Variants in YIPF4 observed in about 807,000 individuals in gnomAD.
YIPF4 encodes Yip1 domain family member 4, also known as protein YIPF4.
In YIPF4, 18 loss-of-function variants were observed where a neutral mutation model predicts 29.4. The ratio of observed to expected loss-of-function variants is 0.61; its 90% CI spans 0.42 to 0.91. The LOEUF is 0.91. Ranked by LOEUF, YIPF4 falls within the 40% of genes least tolerant of loss-of-function variation. The pLI, the probability that YIPF4 is intolerant of heterozygous loss-of-function variation, is 0.00. For missense variants in YIPF4, 279 were observed against 282.7 expected (o/e 0.99, Z 0.09); for synonymous variants, 115 against 104.7 (o/e 1.10, Z -0.60).
rs759658074 is a variant in YIPF4, at chr2:32,314,868, G to A, written c.*9242G>A. 3 of 152,236 alleles carry A rather than the reference G, an allele frequency of 2.0e-5. No homozygotes were observed. The highest frequency in any genetic ancestry group is 3.4e-3 in the Middle Eastern group (1 of 294). The allele number at this position is 152,236 out of a possible 1,614,324, so 9.4% of individuals were successfully genotyped here. On this transcript the variant is annotated 3_prime_UTR_variant, in exon 6 of 6. Coordinates refer to ENST00000238831, the MANE Select transcript of YIPF4 (RefSeq NM_032312.4). ...ATTATACCCAATTAATTATACATGG[G>A]AAGGTGATGAAGGTAGCATGTCAAA...
At position 32,306,230 on chromosome 2, in the gene YIPF4, T is replaced by C. The variant is rs908589409; in HGVS notation, c.*604T>C. On this transcript the variant is annotated 3_prime_UTR_variant, in exon 6 of 6. Transcript: ENST00000238831. ...TTTTAAAATCTCACACATGCTTCGA[T>C]ACTTCCTTGTTAAGAATTCTTAATA... 6.9e-5 allele frequency: 63 copies of C among 916,662 alleles called. No individual in the cohort carries two copies. The highest frequency in any genetic ancestry group is 8.0e-5 in the Non-Finnish European group (61 of 767,286). The allele number at this position is 916,662 out of a possible 1,614,324, so 56.8% of individuals were successfully genotyped here.
At position 32,312,124 on chromosome 2, in the gene YIPF4, G is replaced by A. The variant is rs748088613; in HGVS notation, c.*6498G>A. ...AAAATACTCACGTTTATGATGATGG[G>A]CCTAGGTACTAAATTCCTCATTCAA... is the stretch of plus-strand genomic sequence containing the variant. On this transcript the variant is annotated 3_prime_UTR_variant, in exon 6 of 6. Coordinates refer to ENST00000238831, the MANE Select transcript of YIPF4 (RefSeq NM_032312.4). 4 of 152,052 alleles carry A rather than the reference G, an allele frequency of 2.6e-5. No individual in the cohort carries two copies. Among genetic ancestry groups the A allele is most frequent in the African/African-American group, 4.8e-5 (2 of 41,390 alleles). The allele number at this position is 152,052 out of a possible 1,614,324, so 9.4% of individuals were successfully genotyped here. A position where few individuals can be genotyped will look rare whatever the true frequency, so the allele number is the denominator to read the frequency against.
intron 3 of YIPF4, among the ~76,000 whole-genome samples, chr2:32,296,651 A>G (rs939228704): frequency 6.6e-6 from 1 of 152,180 alleles, no homozygotes; most frequent in African/African-American, 2.4e-5. Flanking sequence ...TGTGATACTG[A>G]TACGTCTTAT....
chr2:32,278,331 GACA>G, intron 1 of YIPF4, 97 bp downstream of exon 1: 1 of 1,253,920 alleles, frequency 8.0e-7, no homozygotes, highest in African/African-American at 1.6e-5. Context: ...GCCGGGTGGG[GACA>G]GGCAGGAAGC....
In YIPF4 at chr2:32,290,505, C is replaced by T; in HGVS notation, c.102C>T (p.Ser34=). 5 of 1,566,416 alleles carry T rather than the reference C, an allele frequency of 3.2e-6. No individual in the cohort carries two copies. The highest frequency in any genetic ancestry group is 2.8e-5 in the African/African-American group (2 of 72,306). The change falls in exon 2 of 6, where the codon TCC becomes TCT. Residue 34 remains serine (S), a synonymous_variant. Transcript: ENST00000238831. The part of the protein sequence containing the change: ...DAEDLSGSIA[S]PDVKLNLGGD... ...AAGATCTCAGTGGTTCAATAGCATC[C>T]CCAGATGTCAAATTAAATCTTGGTG... is the stretch of plus-strand genomic sequence containing the variant.
rs1458675077 is a variant in YIPF4, at chr2:32,292,307, GTTCTT to G, written c.373_377del (p.Phe125HisfsTer9). 2 of 1,600,428 alleles carry G rather than the reference GTTCTT, an allele frequency of 1.2e-6. No homozygotes were observed. The highest frequency in any genetic ancestry group is 1.7e-6 in the Non-Finnish European group (2 of 1,173,580). On this transcript the variant is annotated frameshift_variant, in exon 3 of 6. Coordinates refer to ENST00000238831, the MANE Select transcript of YIPF4 (RefSeq NM_032312.4). LOFTEE classifies it high-confidence loss of function. ...TGACTTTTGGGGTCCTCTGGCTGTT[GTTCTT>G]TTCTTTTCCATGATATCATTATATG...
chr2:32,288,075 C>G (rs997666584), intron 1 of YIPF4, among the ~76,000 whole-genome samples: 1 of 152,060 alleles, frequency 6.6e-6, no homozygotes, highest in African/African-American at 2.4e-5. Context: ...ACATCATTCT[C>G]CACTTGTTAA....
At chr2:32,302,998 A>T (rs1490076648) in intron 5 of YIPF4, among the ~76,000 whole-genome samples, 1 of 152,152 alleles carries the variant, frequency 6.6e-6, no homozygotes, top group Admixed American at 6.6e-5. Flanking sequence ...AGGTATCTTA[A>T]CTTTTCTTAC....
At chr2:32,278,335 G>GCT in intron 1 of YIPF4, 101 bp downstream of exon 1, 1 of 1,204,230 alleles carries the variant, frequency 8.3e-7, no homozygotes, top group African/African-American at 1.6e-5. Flanking sequence ...GGTGGGGACA[G>GCT]GCAGGAAGCT....
chr2:32,302,986 C>T (rs1438449294), intron 5 of YIPF4, among the ~76,000 whole-genome samples: 3 of 152,084 alleles, frequency 2.0e-5, no homozygotes, highest in East Asian at 3.8e-4. Flanking sequence ...TCTGGTCTTC[C>T]GAGGTATCTT....
In YIPF4 at chr2:32,283,055, C is replaced by T. The variant is rs1442973256; in HGVS notation, c.79+4821C>T. The stretch of plus-strand genomic sequence containing the variant: ...TCGCGCCACTGCACTCCCGCCTGGG[C>T]GACAGAGTGAGACTGTCTCAAAAAA... On this transcript the variant is annotated intron_variant, in intron 1 of 5. Transcript: ENST00000238831. Among the ~76,000 whole-genome samples, 54 of 141,686 alleles carry T rather than the reference C, an allele frequency of 3.8e-4. 1 individual carries two copies. Among genetic ancestry groups the T allele is most frequent in the Non-Finnish European group, 5.9e-4 (39 of 66,474 alleles). 93.0% of individuals were successfully genotyped at this position (141,686 alleles called of 152,430 possible). A position where few individuals can be genotyped will look rare whatever the true frequency, so the allele number is the denominator to read the frequency against.
At position 32,313,707 on chromosome 2, in the gene YIPF4, T is replaced by G; in HGVS notation, c.*8081T>G. The G allele has an allele frequency of 6.7e-6, 1 of 150,344 alleles. No homozygotes were observed. Among genetic ancestry groups the G allele is most frequent in the East Asian group, 2.0e-4 (1 of 5,080 alleles). 9.3% of individuals were successfully genotyped at this position (150,344 alleles called of 1,614,324 possible). A position where few individuals can be genotyped will look rare whatever the true frequency, so the allele number is the denominator to read the frequency against. ...TAGAAATACGGTATCAGAAATGTGC[T>G]TTATTTTATTTTATTAGACAAAGTC... On this transcript the variant is annotated 3_prime_UTR_variant, in exon 6 of 6. Coordinates refer to ENST00000238831, the MANE Select transcript of YIPF4 (RefSeq NM_032312.4).
chr2:32,278,195 A>T lies in YIPF4; in HGVS notation c.40A>T (p.Asn14Tyr). 6.4e-7 allele frequency: 1 copy of T among 1,574,396 alleles called. No homozygotes were observed. The highest frequency in any genetic ancestry group is 8.6e-7 in the Non-Finnish European group (1 of 1,160,646). ...PGPPPAYAPTNGDFTFVSSAD... is the reference protein window; with the variant it reads ...PGPPPAYAPTYGDFTFVSSAD... ...CCCGCCCCCGGCCTATGCCCCCACT[A>T]ACGGGGACTTCACCTTTGTCTCCTC... is the stretch of plus-strand genomic sequence containing the variant. Residue 14 changes from asparagine to tyrosine, a missense_variant, in exon 1 of 6, where the codon AAC becomes TAC. Coordinates refer to ENST00000238831, the MANE Select transcript of YIPF4 (RefSeq NM_032312.4).
chr2:32,283,011 G>A (rs2030500334), intron 1 of YIPF4, among the ~76,000 whole-genome samples: 1 of 151,414 alleles, frequency 6.6e-6, no homozygotes, highest in Admixed American at 6.6e-5. Flanking sequence ...TGGGAGGTGG[G>A]GCTTGCAGTG....
chr2:32,315,224 A>T lies in YIPF4; in HGVS notation c.*9598A>T, dbSNP rs898998373. The stretch of plus-strand genomic sequence containing the variant: ...CTTAAGAGACCAAATGGAGCATGTC[A>T]GTCAAAGGTGTCCTTATTTAAAATC... On this transcript the variant is annotated 3_prime_UTR_variant, in exon 6 of 6. Coordinates refer to ENST00000238831, the MANE Select transcript of YIPF4 (RefSeq NM_032312.4). The T allele has an allele frequency of 6.6e-6, 1 of 152,250 alleles. No homozygotes were observed. The highest frequency in any genetic ancestry group is 6.5e-5 in the Admixed American group (1 of 15,284). 9.4% of individuals were successfully genotyped at this position (152,250 alleles called of 1,614,324 possible).
At chr2:32,282,515 C>T (rs1204891390) in intron 1 of YIPF4, among the ~76,000 whole-genome samples, 2 of 152,158 alleles carry the variant, frequency 1.3e-5, no homozygotes, top group Non-Finnish European at 2.9e-5. Flanking sequence ...TCACTGCAAC[C>T]TCTGCCTCCC....
At chr2:32,296,470 CAAA>C (rs1217407449) in intron 3 of YIPF4, among the ~76,000 whole-genome samples, 2 of 87,842 alleles carry the variant, frequency 2.3e-5, no homozygotes, top group African/African-American at 4.3e-5. Context: ...GACTCAGTCT[CAAA>C]AAAAAAAAAA....
At chr2:32,293,489 T>A (rs1010363673) in intron 3 of YIPF4, among the ~76,000 whole-genome samples, 4 of 152,238 alleles carry the variant, frequency 2.6e-5, no homozygotes, top group African/African-American at 9.6e-5. Flanking sequence ...CATGTCTACT[T>A]CTTTCCACAC....
intron 1 of YIPF4, among the ~76,000 whole-genome samples, chr2:32,288,919 A>G (rs1412015050): frequency 6.6e-6 from 1 of 152,182 alleles, no homozygotes; most frequent in African/African-American, 2.4e-5. Context: ...GTGAGCCGAG[A>G]TGACACCACT....
Sources: gnomAD v4.1 joint callset for allele counts (sites outside exome capture counted in the v4.1 genomes callset) on GRCh38, gnomAD v4.1.1 for gene constraint, MANE v1.5 for transcripts, NCBI Gene and HGNC (gene_info 2026-07-23, HGNC 2026-07-21) for gene names.